The following OXCT1 variants were observed in gnomAD, a reference collection of about 807,000 sequenced individuals.
OXCT1 encodes the protein 3-oxoacid CoA-transferase 1, also known as succinyl-CoA:3-ketoacid coenzyme A transferase 1, mitochondrial.
OXCT1 carries 27 observed loss-of-function variants against 69.6 expected under a neutral mutation model. The observed-to-expected ratio is 0.39, with a 90% CI of 0.29 to 0.54. The LOEUF (loss-of-function observed/expected upper bound fraction) is 0.54. Ranked by LOEUF, OXCT1 falls within the 20% of genes least tolerant of loss-of-function variation. OXCT1 has a pLI of 0.72. For missense variants in OXCT1, 437 were observed against 650.2 expected (o/e 0.67, Z 3.57); for synonymous variants, 202 against 217.8 (o/e 0.93, Z 0.64).
At chr5:41,806,988 C>T (rs1746710991) in intron 8 of OXCT1, among the ~76,000 whole-genome samples, 1 of 152,062 alleles carries the variant, frequency 6.6e-6, no homozygotes. Flanking sequence ...GATAAGACTA[C>T]AGCAGGGATA....
intron 5 of OXCT1, among the ~76,000 whole-genome samples, chr5:41,844,329 G>A (rs1748787733): frequency 6.6e-6 from 1 of 152,104 alleles, no homozygotes; most frequent in South Asian, 2.1e-4. Context: ...AGTTGTCAAT[G>A]ACCTCTGTTT....
intron 13 of OXCT1, among the ~76,000 whole-genome samples, chr5:41,793,665 C>T (rs1265962048): frequency 6.6e-6 from 1 of 152,186 alleles, no homozygotes; most frequent in Non-Finnish European, 1.5e-5. Context: ...GTTAATTGTT[C>T]TTCCTAGTTT....
At chr5:41,808,276 GT>G (rs1358823690) in intron 7 of OXCT1, among the ~76,000 whole-genome samples, 1 of 152,030 alleles carries the variant, frequency 6.6e-6, no homozygotes, top group East Asian at 1.9e-4. Flanking sequence ...ACACCTTTAA[GT>G]TGTGAGTACT....
rs1749642689 is a variant in OXCT1 at position 41,859,878 on chromosome 5, T to TA, written c.278+1435dup. Among the ~76,000 whole-genome samples, 2 of 120,436 alleles carry TA rather than the reference T, an allele frequency of 1.7e-5. 1 individual carries two copies. The highest frequency in any genetic ancestry group is 5.6e-5 in the African/African-American group (2 of 35,930). The allele number at this position is 120,436 out of a possible 152,430, so 79.0% of individuals were successfully genotyped here. A position where few individuals can be genotyped will look rare whatever the true frequency, so the allele number is the denominator to read the frequency against. On this transcript the variant is annotated intron_variant, in intron 3 of 16. Transcript: ENST00000196371. Reference sequence around the variant, plus strand: ...ACTAGTATAGTAATATATATATATATATATATATGTAATATATATATATAT... The same window carrying TA: ...ACTAGTATAGTAATATATATATATATAATATATATGTAATATATATATATAT...
intron 7 of OXCT1, among the ~76,000 whole-genome samples, chr5:41,819,986 G>A (rs982495544): frequency 1.3e-5 from 2 of 152,062 alleles, no homozygotes; most frequent in African/African-American, 4.8e-5. Flanking sequence ...TCTCCAGGAA[G>A]CTGGGTTCTA....
Position 41,870,192 on chromosome 5 carries a change from G to T in OXCT1, c.78+89C>A. 1 of 998,634 alleles carries T rather than the reference G, an allele frequency of 1.0e-6. No individual in the cohort carries two copies. The allele number at this position is 998,634 out of a possible 1,614,324, so 61.9% of individuals were successfully genotyped here. A position where few individuals can be genotyped will look rare whatever the true frequency, so the allele number is the denominator to read the frequency against. ...GCCAGATCCCAGGCTGGAGAGAGCGGGTAGGGGCAGAGAAGAAAACGCGGG... is the reference window on the plus strand; with the variant it reads ...GCCAGATCCCAGGCTGGAGAGAGCGTGTAGGGGCAGAGAAGAAAACGCGGG... On this transcript the variant is annotated intron_variant, in intron 1 of 16. Transcript: ENST00000196371. The surrounding 1 kb of genome is among the most constrained non-coding windows in gnomAD (Gnocchi z 4.2).
intron 15 of OXCT1, among the ~76,000 whole-genome samples, chr5:41,740,428 C>A (rs534114410): frequency 2.0e-5 from 3 of 152,132 alleles, no homozygotes; most frequent in Non-Finnish European, 2.9e-5. Context: ...AATGAAGATG[C>A]TTATATTTAG....
In OXCT1 at chr5:41,762,162, T is replaced by G. The variant is rs777065786; in HGVS notation, c.1287A>C (p.Leu429Phe). Residue 429 changes from leucine to phenylalanine, a missense_variant, in exon 14 of 17, where the codon TTA becomes TTC. Physicochemically the swap from Leu to Phe is conservative, Grantham distance 22 (BLOSUM62 0). Coordinates refer to ENST00000196371, the MANE Select transcript of OXCT1 (RefSeq NM_000436.4). This position sits in a 1 kb window ranked among gnomAD's most constrained non-coding sequence, Gnocchi z 4.0. ...MVKGMGGAMD[L>F]VSSAKTKVVV... is the part of the protein sequence containing the mutation. ...CCACTTTGGTTTTCGCACTGGACAC[T>G]AAATCCATAGCACCTCCCATTCCTT... 15 of 1,613,358 alleles carry G rather than the reference T, an allele frequency of 9.3e-6. No homozygotes were observed. The highest frequency in any genetic ancestry group is 1.3e-5 in the Non-Finnish European group (15 of 1,179,408).
At chr5:41,743,447 G>A (rs1743294845) in intron 15 of OXCT1, among the ~76,000 whole-genome samples, 1 of 152,076 alleles carries the variant, frequency 6.6e-6, no homozygotes. Flanking sequence ...CACTCTGATG[G>A]TAGTTTCTTT....
chr5:41,825,770 T>G (rs1359143239), intron 7 of OXCT1, among the ~76,000 whole-genome samples: 1 of 152,060 alleles, frequency 6.6e-6, no homozygotes, highest in Non-Finnish European at 1.5e-5. Flanking sequence ...AGGCCATGAG[T>G]GGAAGCAGCA....
chr5:41,737,233 T>C lies in OXCT1; in HGVS notation c.1521+2157A>G, dbSNP rs183312651. On this transcript the variant is annotated intron_variant, in intron 16 of 16. Coordinates refer to ENST00000196371, the MANE Select transcript of OXCT1 (RefSeq NM_000436.4). ...TAACATTTCATCTCAACATCCTAAT[T>C]TGGAGAAAACAAGATTACATATCCC... Among the ~76,000 whole-genome samples, 13 of 152,284 alleles carry C rather than the reference T, an allele frequency of 8.5e-5. No individual in the cohort carries two copies. In the East Asian group the frequency reaches 2.3e-3, roughly 27 times the overall value.
chr5:41,766,568 C>CAAA (rs35725846), intron 13 of OXCT1, among the ~76,000 whole-genome samples: 7 of 120,012 alleles, frequency 5.8e-5, no homozygotes, highest in African/African-American at 9.2e-5. Context: ...CATTGTACTC[C>CAAA]AAAAAAAAAA....
At chr5:41,805,468 G>A in intron 9 of OXCT1, 99 bp downstream of exon 9, 3 of 794,700 alleles carry the variant, frequency 3.8e-6, no homozygotes, top group Non-Finnish European at 4.4e-6. Flanking sequence ...AGTTACCATA[G>A]ACTAGAGATG....
At chr5:41,754,150 T>C (rs900448017) in intron 14 of OXCT1, among the ~76,000 whole-genome samples, 3 of 152,154 alleles carry the variant, frequency 2.0e-5, no homozygotes, top group Non-Finnish European at 2.9e-5. Flanking sequence ...AAAGAAGGAC[T>C]ACAAGGGCTT....
At chr5:41,845,109 C>G (rs1748832540) in intron 5 of OXCT1, among the ~76,000 whole-genome samples, 1 of 152,142 alleles carries the variant, frequency 6.6e-6, no homozygotes, top group Admixed American at 6.5e-5. Context: ...CTTCAATCTC[C>G]ATCCTTATCA....
chr5:41,773,583 A>G (rs945624581), intron 13 of OXCT1, among the ~76,000 whole-genome samples: 1 of 151,898 alleles, frequency 6.6e-6, no homozygotes, highest in Non-Finnish European at 1.5e-5. Flanking sequence ...CCTGGGCTAC[A>G]GAGTGAGACC....
intron 13 of OXCT1, among the ~76,000 whole-genome samples, chr5:41,773,637 A>G (rs1744989567): frequency 6.6e-6 from 1 of 150,748 alleles, no homozygotes; most frequent in Non-Finnish European, 1.5e-5. Flanking sequence ...CTGCCAAAAA[A>G]AAATGAAAAA....
chr5:41,749,676 T>C (rs1478199992), intron 14 of OXCT1, 69 bp from the exon 15 acceptor site: 74 of 920,558 alleles, frequency 8.0e-5, no homozygotes, highest in Non-Finnish European at 8.9e-6. Context: ...GGCATAACTA[T>C]AGGATAAACA....
At chr5:41,757,078 G>T (rs945652280) in intron 14 of OXCT1, among the ~76,000 whole-genome samples, 1 of 151,906 alleles carries the variant, frequency 6.6e-6, no homozygotes, top group Non-Finnish European at 1.5e-5. Context: ...GGGTTTTTGA[G>T]CTGCCATTGA....
Sources: gnomAD v4.1 joint callset for allele counts (sites outside exome capture counted in the v4.1 genomes callset) on GRCh38, gnomAD v4.1.1 for gene constraint, Gnocchi (gnomAD v3.1) non-coding constraint, MANE v1.5 for transcripts, NCBI Gene and HGNC (gene_info 2026-07-23, HGNC 2026-07-21) for gene names.